The following UBR2 variants were observed in gnomAD, a reference collection of about 807,000 sequenced individuals.
The protein encoded by UBR2 is ubiquitin protein ligase E3 component n-recognin 2.
Under a neutral mutation model 247.9 loss-of-function variants are expected in UBR2, and 92 were observed. The ratio of observed to expected loss-of-function variants is 0.37; its 90% CI spans 0.31 to 0.44. The LOEUF is 0.44. Among genes scored for constraint, UBR2 ranks in the 20% least tolerant of loss-of-function variants. UBR2 has a pLI of 1.00. For missense variants in UBR2, 1,613 were observed against 2,112.6 expected (o/e 0.76, Z 4.64); for synonymous variants, 672 against 693.5 (o/e 0.97, Z 0.49).
Position 42,650,311 on chromosome 6 carries a change from G to A in UBR2, c.2490G>A (p.Met830Ile), listed in dbSNP as rs1378669225. 1.2e-6 allele frequency: 2 copies of A among 1,614,002 alleles called. No homozygotes were observed. Among genetic ancestry groups the A allele is most frequent in the Admixed American group, 3.3e-5 (2 of 60,026 alleles). The change falls in exon 23 of 47, where the codon ATG becomes ATA. Residue 830 changes from methionine (M) to isoleucine (I), a missense_variant. Met to Ile is a conservative substitution (Grantham distance 10). Around this residue, in one of 3 missense-constraint regions of UBR2, gnomAD observed 1,524 missense variants for 1,967.3 expected, o/e 0.77. Coordinates refer to ENST00000372901, the MANE Select transcript of UBR2 (RefSeq NM_001363705.2). ...FKKPGLTGRG[M>I]YELKPECAKE... ...AACCTGGATTAACAGGACGAGGCATGTATGAACTGAAACCAGAATGTGCCA... is the reference window on the plus strand; with the variant it reads ...AACCTGGATTAACAGGACGAGGCATATATGAACTGAAACCAGAATGTGCCA...
At chr6:42,580,547 AT>A (rs35507530) in intron 2 of UBR2, among the ~76,000 whole-genome samples, 44,712 of 148,654 alleles carry the variant, frequency 0.3, 6,620 homozygotes, top group Non-Finnish European at 0.33. Context: ...TTAATTGTAC[AT>A]TTTTTTTTTT....
chr6:42,658,939 C>T (rs1201143044), intron 29 of UBR2, 115 bp downstream of exon 29: 1 of 1,192,912 alleles, frequency 8.4e-7, no homozygotes, highest in Admixed American at 3.4e-5. Context: ...TAGTAGAATT[C>T]ATAGGTAAAT....
Position 42,658,717 on chromosome 6 carries a change from C to T in UBR2, c.3135C>T (p.Ile1045=). Residue 1045 remains isoleucine (I), a synonymous_variant, in exon 29 of 47, where the codon ATC becomes ATT. Transcript: ENST00000372901. The part of the protein sequence containing the change: ...AEIARLRREK[I]MAQMSEMQRH... ...TTGCCAGACTGCGCAGAGAAAAGAT[C>T]ATGGCTCAGATGTCTGAAATGCAGC... is the stretch of plus-strand genomic sequence containing the variant. 1 of 1,612,884 alleles carries T rather than the reference C, an allele frequency of 6.2e-7. No homozygotes were observed. Among genetic ancestry groups the T allele is most frequent in the Non-Finnish European group, 8.5e-7 (1 of 1,179,816 alleles).
At position 42,644,400 on chromosome 6, in the gene UBR2, T is replaced by C. The variant is rs1192480853; in HGVS notation, c.2220+64T>C. On this transcript the variant is annotated intron_variant, in intron 19 of 46. Coordinates refer to ENST00000372901, the MANE Select transcript of UBR2 (RefSeq NM_001363705.2). ...AGAAGCATCTTTCCTTCTTTTTGGA[T>C]ATGTTAATCCTCTGAGATTATGCAA... The C allele has an allele frequency of 5.0e-6, 8 of 1,604,762 alleles. No individual in the cohort carries two copies. The Admixed American group carries it at 1.4e-4, about 27-fold the overall frequency.
intron 1 of UBR2, among the ~76,000 whole-genome samples, chr6:42,569,915 G>C (rs542164931): frequency 6.6e-6 from 1 of 152,332 alleles, no homozygotes; most frequent in African/African-American, 2.4e-5. Flanking sequence ...AGAGGGACTT[G>C]TAGTAAGATA....
intron 2 of UBR2, among the ~76,000 whole-genome samples, chr6:42,576,197 A>G (rs1217523001): frequency 6.6e-6 from 1 of 152,148 alleles, no homozygotes; most frequent in Non-Finnish European, 1.5e-5. Flanking sequence ...TGTTGGTGTT[A>G]TAACTCTCAG....
At chr6:42,596,541 G>A (rs911831178) in intron 4 of UBR2, among the ~76,000 whole-genome samples, 2 of 152,134 alleles carry the variant, frequency 1.3e-5, no homozygotes, top group African/African-American at 4.8e-5. Flanking sequence ...ACATGTTGTA[G>A]CAATGTTGTT....
intron 3 of UBR2, among the ~76,000 whole-genome samples, chr6:42,593,109 G>T (rs754956628): frequency 3.3e-5 from 5 of 152,142 alleles, no homozygotes; most frequent in Non-Finnish European, 7.3e-5. Flanking sequence ...GGGAGGCGGA[G>T]GTTGCAGTGA....
intron 1 of UBR2, among the ~76,000 whole-genome samples, chr6:42,568,748 A>G (rs1790933262): frequency 6.6e-6 from 1 of 152,106 alleles, no homozygotes; most frequent in African/African-American, 2.4e-5. Context: ...AATAATAAAA[A>G]TAAAATATTT....
Position 42,678,524 on chromosome 6 carries a change from T to A in UBR2, c.4479-15T>A. The A allele has an allele frequency of 6.3e-7, 1 of 1,597,920 alleles. No homozygotes were observed. The highest frequency in any genetic ancestry group is 8.5e-7 in the Non-Finnish European group (1 of 1,176,124). The stretch of plus-strand genomic sequence containing the variant: ...TCTTAGTAGATTTCCCAATAATCTT[T>A]TTTTTCTTTTTTAGTGCCTTGAAAG... On this transcript the variant is annotated splice_polypyrimidine_tract_variant and intron_variant, in intron 40 of 46. Coordinates refer to ENST00000372901, the MANE Select transcript of UBR2 (RefSeq NM_001363705.2).
At chr6:42,623,574 C>G (rs1684970487) in intron 11 of UBR2, among the ~76,000 whole-genome samples, 1 of 152,094 alleles carries the variant, frequency 6.6e-6, no homozygotes, top group Non-Finnish European at 1.5e-5. Context: ...GCCTCAGCCT[C>G]CTGAGTAGCT....
intron 8 of UBR2, among the ~76,000 whole-genome samples, chr6:42,614,439 C>CGTACATATATACGTATATATGTAT (rs1554250504): frequency 8.7e-5 from 8 of 92,000 alleles, no homozygotes; most frequent in African/African-American, 3.0e-4. Flanking sequence ...TATGTATGTA[C>CGTACATATATACGTATATATGTAT]GTACATATAT....
chr6:42,659,518 T>TAG lies in UBR2; in HGVS notation c.3243-137_3243-136insGA, dbSNP rs1203458322. The TAG allele has an allele frequency of 2.0e-6, 1 of 507,536 alleles. No homozygotes were observed. Among genetic ancestry groups the TAG allele is most frequent in the East Asian group, 3.5e-5 (1 of 28,410 alleles). The allele number at this position is 507,536 out of a possible 1,614,324, so 31.4% of individuals were successfully genotyped here. ...CTGTCTCAAAAAATAAATAAATATA[T>TAG]ATACACACACACACACACACACACA... On this transcript the variant is annotated intron_variant, in intron 29 of 46. Transcript: ENST00000372901. This position sits in a 1 kb window ranked among gnomAD's most constrained non-coding sequence, Gnocchi z 4.3.
intron 25 of UBR2, among the ~76,000 whole-genome samples, chr6:42,654,796 G>C (rs764744190): frequency 6.6e-6 from 1 of 152,134 alleles, no homozygotes; most frequent in Non-Finnish European, 1.5e-5. Context: ...CTAGAAGTCT[G>C]GTCAGGAATA....
At chr6:42,631,728 G>T (rs1795723712) in intron 11 of UBR2, among the ~76,000 whole-genome samples, 1 of 150,914 alleles carries the variant, frequency 6.6e-6, no homozygotes, top group African/African-American at 2.4e-5. Context: ...GTAAAAAAAT[G>T]TACAAAACAA....
intron 11 of UBR2, among the ~76,000 whole-genome samples, chr6:42,618,982 T>C (rs1446438158): frequency 1.3e-5 from 2 of 152,146 alleles, no homozygotes; most frequent in African/African-American, 4.8e-5. Flanking sequence ...ATGCTTTTAG[T>C]TTAGTCAGGG....
At chr6:42,605,043 A>C (rs914493955) in intron 5 of UBR2, among the ~76,000 whole-genome samples, 1 of 151,778 alleles carries the variant, frequency 6.6e-6, no homozygotes, top group African/African-American at 2.4e-5. Context: ...AAAACAAAAA[A>C]CAAAAAAAAC....
chr6:42,659,698 A>G lies in UBR2; in HGVS notation c.3285A>G (p.Ala1095=). The change falls in exon 30 of 47, where the codon GCA becomes GCG. Residue 1095 remains alanine, a synonymous_variant. Transcript: ENST00000372901. This position sits in a 1 kb window ranked among gnomAD's most constrained non-coding sequence, Gnocchi z 4.3. ...TGACACTTACAGCACTGGGCCCCGC[A>G]CAAACTCAGGTTCCTGAACAAAGAC... ...SDMTLTALGP[A]QTQVPEQRQF... 1 of 1,614,092 alleles carries G rather than the reference A, an allele frequency of 6.2e-7. No homozygotes were observed.
At chr6:42,645,698 A>G (rs906129478) in intron 21 of UBR2, 108 bp downstream of exon 21, 22 of 1,194,576 alleles carry the variant, frequency 1.8e-5, no homozygotes, top group African/African-American at 9.2e-5. Flanking sequence ...TGTAAAATCT[A>G]TTGTCATGGG....
Sources: gnomAD v4.1 joint callset for allele counts (sites outside exome capture counted in the v4.1 genomes callset) on GRCh38, gnomAD v4.1.1 for gene constraint, gnomAD v4.1.1 regional missense constraint, Gnocchi (gnomAD v3.1) non-coding constraint, MANE v1.5 for transcripts, NCBI Gene and HGNC (gene_info 2026-07-23, HGNC 2026-07-21) for gene names.